IL12RB1: variants seen among roughly 807,000 people sequenced by gnomAD.
The protein encoded by IL12RB1 is interleukin 12 receptor subunit beta 1.
In IL12RB1, 64 loss-of-function variants were observed where a neutral mutation model predicts 94.4. The observed-to-expected ratio is 0.68, with a 90% CI of 0.55 to 0.83. The LOEUF (loss-of-function observed/expected upper bound fraction) is 0.83. Ranked by LOEUF, IL12RB1 falls within the 40% of genes least tolerant of loss-of-function variation. The pLI is 0.00. For missense variants in IL12RB1, 814 were observed against 855.6 expected, an observed-to-expected ratio of 0.95 and a Z score of 0.61; for synonymous variants, 362 against 355.5, an observed-to-expected ratio of 1.02 and a Z score of -0.21.
chr19:18,078,377 G>A (rs1030172774), intron 4 of IL12RB1, among the ~76,000 whole-genome samples: 2 of 151,968 alleles, frequency 1.3e-5, no homozygotes, highest in East Asian at 1.9e-4. Context: ...ACTGCCCTCC[G>A]GCCTGGGTGA....
upstream of IL12RB1, among the ~76,000 whole-genome samples, chr19:18,088,132 A>G (rs574229775): frequency 2.6e-5 from 4 of 152,104 alleles, no homozygotes; most frequent in East Asian, 7.8e-4. Flanking sequence ...TCACGCCTGT[A>G]ATCCCAGTAC....
intron 13 of IL12RB1, 117 bp from the exon 14 acceptor site, chr19:18,062,394 G>A (rs772025627): frequency 2.4e-5 from 15 of 622,466 alleles, no homozygotes; most frequent in Non-Finnish European, 3.9e-5. Context: ...CACATGCCAC[G>A]GGCTTCTCAC....
Position 18,069,543 on chromosome 19 carries a change from T to C in IL12RB1, c.1189+3A>G, listed in dbSNP as rs1284668599. On this transcript the variant is annotated splice_donor_region_variant and intron_variant, in intron 10 of 16. Coordinates refer to ENST00000593993, the MANE Select transcript of IL12RB1 (RefSeq NM_005535.3). ...GTAGGCGCAGGCCATTCCAGGCCAT[T>C]ACCCATTCCAGCCGGATCCGGGTCT... is the stretch of plus-strand genomic sequence containing the variant. 2.2e-5 allele frequency: 35 copies of C among 1,605,732 alleles called. No individual in the cohort carries two copies. Among genetic ancestry groups the C allele is most frequent in the Non-Finnish European group, 3.0e-5 (35 of 1,178,728 alleles).
intron 14 of IL12RB1, 61 bp downstream of exon 14, chr19:18,062,120 T>C (rs938840929): frequency 1.7e-6 from 2 of 1,164,566 alleles, no homozygotes; most frequent in Non-Finnish European, 2.6e-6. Flanking sequence ...AGCTCCACTT[T>C]AGGGCTCCCC....
At chr19:18,060,201 G>A (rs1377362894) in intron 15 of IL12RB1, 116 bp from the exon 16 acceptor site, 6 of 633,628 alleles carry the variant, frequency 9.5e-6, no homozygotes, top group East Asian at 2.7e-5. Flanking sequence ...AGACCTGGAC[G>A]GGTGCAGTGG....
chr19:18,075,143 A>C (rs2035367490), intron 7 of IL12RB1, among the ~76,000 whole-genome samples: 2 of 151,522 alleles, frequency 1.3e-5, no homozygotes, highest in Non-Finnish European at 2.9e-5. Context: ...CGGATGCCAC[A>C]TTGTCAGGGT....
rs2033951780 is a variant in IL12RB1, at chr19:18,059,289, G to A, written c.*319C>T. 3 of 485,894 alleles carry A rather than the reference G, an allele frequency of 6.2e-6. No individual in the cohort carries two copies. Among genetic ancestry groups the A allele is most frequent in the Admixed American group, 3.4e-5 (1 of 29,324 alleles). 30.1% of individuals were successfully genotyped at this position (485,894 alleles called of 1,614,324 possible). On this transcript the variant is annotated 3_prime_UTR_variant, in exon 17 of 17. Coordinates refer to ENST00000593993, the MANE Select transcript of IL12RB1 (RefSeq NM_005535.3). ...CCAGACTCCCCATCCAGTGCTCCTG[G>A]GGGTGGATGCCCAGCCCAGGGTCCA... is the stretch of plus-strand genomic sequence containing the variant.
At chr19:18,075,635 G>A in intron 7 of IL12RB1, 114 bp downstream of exon 7, 1 of 934,160 alleles carries the variant, frequency 1.1e-6, no homozygotes, top group South Asian at 1.3e-5. Context: ...GGCCTCAAGT[G>A]ATCCTCCCGC....
In IL12RB1 at chr19:18,061,013, G is replaced by A. The variant is rs1179891804; in HGVS notation, c.1791+109C>T. The A allele has an allele frequency of 1.7e-5, 12 of 717,814 alleles. 1 individual carries two copies. Among genetic ancestry groups the A allele is most frequent in the African/African-American group, 3.5e-5 (2 of 57,072 alleles). 44.5% of individuals were successfully genotyped at this position (717,814 alleles called of 1,614,324 possible). A position where few individuals can be genotyped will look rare whatever the true frequency, so the allele number is the denominator to read the frequency against. ...GGAAGGGGTATGGAGCACTGGTTTT[G>A]GAGTCCTTACCTTGATGAATTGGGA... On this transcript the variant is annotated intron_variant, in intron 15 of 16. Transcript: ENST00000593993.
chr19:18,061,869 GA>G (rs767444429), intron 14 of IL12RB1, among the ~76,000 whole-genome samples: 17 of 142,812 alleles, frequency 1.2e-4, no homozygotes, highest in African/African-American at 3.9e-4. Context: ...TCTCAAAAAA[GA>G]AAAAAAAAAG....
upstream of IL12RB1, among the ~76,000 whole-genome samples, chr19:18,089,600 G>A (rs1457017969): frequency 6.6e-6 from 1 of 151,368 alleles, no homozygotes; most frequent in Non-Finnish European, 1.5e-5. Context: ...ACTCCCACCT[G>A]GGTGAGAGAG....
At chr19:18,097,793 A>T (rs1287754393) in intron 1 of IL12RB1, 6 of 1,218,590 alleles carry the variant, frequency 4.9e-6, no homozygotes, top group Non-Finnish European at 3.1e-6. Context: ...CTCCCGGGCC[A>T]TGGACGAGTC....
At chr19:18,068,293 T>A in intron 11 of IL12RB1, 96 bp downstream of exon 11, 2 of 1,024,064 alleles carry the variant, frequency 2.0e-6, no homozygotes, top group Non-Finnish European at 2.8e-6. Flanking sequence ...CCCAAAGTGC[T>A]GGGATTACAT....
chr19:18,086,967 T>A, upstream of IL12RB1: 2 of 1,521,160 alleles, frequency 1.3e-6, no homozygotes, highest in Non-Finnish European at 1.8e-6. Context: ...AAGTAAAGTG[T>A]CACAGCCCAT....
intron 12 of IL12RB1, among the ~76,000 whole-genome samples, chr19:18,065,527 G>A (rs1201847132): frequency 1.3e-5 from 2 of 151,924 alleles, no homozygotes; most frequent in Admixed American, 6.6e-5. Context: ...TTTGAAACCA[G>A]CCTGAGCGAG....
upstream of IL12RB1, chr19:18,086,951 G>T: frequency 6.5e-7 from 1 of 1,542,470 alleles, no homozygotes; most frequent in Non-Finnish European, 8.7e-7. Context: ...AAAGAAAAAA[G>T]AAAAAAAGTA....
intron 1 of IL12RB1, among the ~76,000 whole-genome samples, chr19:18,084,588 T>A (rs1020098628): frequency 2.6e-5 from 4 of 151,714 alleles, no homozygotes; most frequent in African/African-American, 9.7e-5. Flanking sequence ...TATCCATCTA[T>A]CCATCCACGT....
rs772617080 is a variant in IL12RB1 at position 18,080,871 on chromosome 19, C to T, written c.370G>A (p.Glu124Lys). 24 of 1,612,440 alleles carry T rather than the reference C, an allele frequency of 1.5e-5. No individual in the cohort carries two copies. The Admixed American group carries it at 2.3e-4, about 16-fold the overall frequency. The change falls in exon 4 of 17, where the codon GAG (glutamate) becomes AAG (lysine). Residue 124 changes from glutamate (E) to lysine (K), a missense_variant. Coordinates refer to ENST00000593993, the MANE Select transcript of IL12RB1 (RefSeq NM_005535.3). ...TGCAGGGTCACCTCAGGAGACTTCT[C>T]TGTCTGGTTCCTGGCCCAGGATTCC... ...WVESWARNQTEKSPEVTLQLY... is the reference protein window; with the variant it reads ...WVESWARNQTKKSPEVTLQLY...
chr19:18,077,491 C>A, intron 5 of IL12RB1, 25 bp downstream of exon 5: 5 of 1,592,222 alleles, frequency 3.1e-6, no homozygotes, highest in Non-Finnish European at 4.3e-6. Flanking sequence ...CCCGTGTCCA[C>A]CCTGGACTTG....
Sources: gnomAD v4.1 joint callset for allele counts (sites outside exome capture counted in the v4.1 genomes callset) on GRCh38, gnomAD v4.1.1 for gene constraint, MANE v1.5 for transcripts, NCBI Gene and HGNC (gene_info 2026-07-23, HGNC 2026-07-21) for gene names.